The following SLC16A14 variants were observed in gnomAD, a reference collection of about 807,000 sequenced individuals.
SLC16A14 encodes the protein monocarboxylate transporter 14.
In SLC16A14, 14 loss-of-function variants were observed where a neutral mutation model predicts 35.8. The observed-to-expected ratio is 0.39, with a 90% CI of 0.26 to 0.61. The LOEUF (loss-of-function observed/expected upper bound fraction) is 0.61. Ranked by LOEUF, SLC16A14 falls within the 20% of genes least tolerant of loss-of-function variation. The pLI, the probability that SLC16A14 is intolerant of heterozygous loss-of-function variation, is 0.51. For missense variants in SLC16A14, 533 were observed against 655.0 expected (o/e 0.81, Z 2.03); for synonymous variants, 248 against 258.9 (o/e 0.96, Z 0.40).
At chr2:230,062,383 C>G (rs936721607) in intron 1 of SLC16A14, among the ~76,000 whole-genome samples, 1 of 136,602 alleles carries the variant, frequency 7.3e-6, no homozygotes, top group African/African-American at 2.8e-5. Flanking sequence ...GGGTCTTGCT[C>G]TGTCACCCAG....
chr2:230,048,202 C>G (rs998759474), intron 3 of SLC16A14, among the ~76,000 whole-genome samples: 10 of 152,316 alleles, frequency 6.6e-5, no homozygotes, highest in Middle Eastern at 3.4e-3. Context: ...AAACTAAGCT[C>G]TCTTCATTAT....
intron 2 of SLC16A14, among the ~76,000 whole-genome samples, chr2:230,052,679 T>C (rs1279555936): frequency 6.6e-6 from 1 of 152,126 alleles, no homozygotes; most frequent in African/African-American, 2.4e-5. Flanking sequence ...TGGAGGAATT[T>C]TATAAATTTA....
At chr2:230,056,400 G>A (rs570743730) in intron 2 of SLC16A14, among the ~76,000 whole-genome samples, 15 of 151,976 alleles carry the variant, frequency 9.9e-5, no homozygotes, top group South Asian at 2.1e-4. Context: ...GACTACAGGC[G>A]TTTGCCACCA....
At chr2:230,049,223 C>T (rs2077636306) in intron 3 of SLC16A14, among the ~76,000 whole-genome samples, 1 of 135,054 alleles carries the variant, frequency 7.4e-6, no homozygotes, top group African/African-American at 2.7e-5. Flanking sequence ...GCAGGTGCCA[C>T]CGCACTTGGC....
In SLC16A14 at chr2:230,046,848, G is replaced by T; in HGVS notation, c.404-126C>A. 9.0e-7 allele frequency: 1 copy of T among 1,112,028 alleles called. No individual in the cohort carries two copies. Among genetic ancestry groups the T allele is most frequent in the Non-Finnish European group, 1.2e-6 (1 of 814,308 alleles). The allele number at this position is 1,112,028 out of a possible 1,614,324, so 68.9% of individuals were successfully genotyped here. A position where few individuals can be genotyped will look rare whatever the true frequency, so the allele number is the denominator to read the frequency against. ...ATTTATGCTTTTTATTTCTAACAAA[G>T]CAATAACACTGATTATTTAAAAAGC... On this transcript the variant is annotated intron_variant, in intron 3 of 4. Transcript: ENST00000295190. The surrounding 1 kb of genome is among the most constrained non-coding windows in gnomAD (Gnocchi z 5.0).
intron 3 of SLC16A14, among the ~76,000 whole-genome samples, chr2:230,049,505 C>T (rs898303247): frequency 2.6e-5 from 4 of 152,176 alleles, no homozygotes; most frequent in Non-Finnish European, 5.9e-5. Flanking sequence ...GCATTTAGAA[C>T]CAGGCATATG....
In SLC16A14 at chr2:230,059,226, CAAAG is replaced by C; in HGVS notation, c.123_126del (p.Phe41LeufsTer30). On this transcript the variant is annotated frameshift_variant, in exon 2 of 5. Transcript: ENST00000295190. LOFTEE classifies it high-confidence loss of function. ...TGGGAGCCCATGATGAGGATGTGCA[CAAAG>C]AAAGAGGAGAGCACCATCATCCAAG... 6.2e-7 allele frequency: 1 copy of C among 1,614,120 alleles called. No homozygotes were observed. Among genetic ancestry groups the C allele is most frequent in the Non-Finnish European group, 8.5e-7 (1 of 1,180,022 alleles).
intron 2 of SLC16A14, among the ~76,000 whole-genome samples, chr2:230,051,740 C>T (rs1408120637): frequency 1.3e-5 from 2 of 152,026 alleles, no homozygotes; most frequent in African/African-American, 2.4e-5. Flanking sequence ...AATAAAGTTT[C>T]CTTTAAAGTT....
At position 230,045,787 on chromosome 2, in the gene SLC16A14, A is replaced by C. The variant is rs1267315254; in HGVS notation, c.1339T>G (p.Cys447Gly). 3.1e-6 allele frequency: 5 copies of C among 1,614,244 alleles called. No homozygotes were observed. In the East Asian group the frequency reaches 1.1e-4, roughly 36 times the overall value. Residue 447 changes from cysteine (C) to glycine (G), a missense_variant, in exon 4 of 5, where the codon TGT becomes GGT. Coordinates refer to ENST00000295190, the MANE Select transcript of SLC16A14 (RefSeq NM_152527.5). Reference sequence around the variant, plus strand: ...AGCAATGCAGAGATGCCATTAGCACAGATGATGATGCCGTAGGCATTGGCC... The same window carrying C: ...AGCAATGCAGAGATGCCATTAGCACCGATGATGATGCCGTAGGCATTGGCC... ...HLANAYGIII[C>G]ANGISALLGP... is the part of the protein sequence containing the mutation.
intron 2 of SLC16A14, among the ~76,000 whole-genome samples, chr2:230,052,795 A>G (rs1395336695): frequency 1.3e-5 from 2 of 152,280 alleles, no homozygotes; most frequent in East Asian, 3.9e-4. Flanking sequence ...TATGATTTGC[A>G]GATGAGCCAA....
rs752254280 is a variant in SLC16A14 at position 230,036,430 on chromosome 2, A to G, written c.*950T>C. The G allele has an allele frequency of 2.0e-4, 30 of 152,210 alleles. No homozygotes were observed. Among genetic ancestry groups the G allele is most frequent in the Non-Finnish European group, 3.2e-4 (22 of 68,034 alleles). The allele number at this position is 152,210 out of a possible 1,614,324, so 9.4% of individuals were successfully genotyped here. A position where few individuals can be genotyped will look rare whatever the true frequency, so the allele number is the denominator to read the frequency against. ...GGCATTCCATTTATTATCCTCACAA[A>G]TTGATAGTGTTATACTTTGGATTAG... On this transcript the variant is annotated 3_prime_UTR_variant, in exon 5 of 5. Transcript: ENST00000295190.
chr2:230,067,147 C>G (rs980939222), intron 1 of SLC16A14: 4 of 155,376 alleles, frequency 2.6e-5, no homozygotes, highest in African/African-American at 9.6e-5. Context: ...CTGGTGTGTA[C>G]AGGGCATTTG....
chr2:230,063,010 C>T (rs772485865), intron 1 of SLC16A14, among the ~76,000 whole-genome samples: 2 of 152,060 alleles, frequency 1.3e-5, no homozygotes, highest in African/African-American at 4.8e-5. Flanking sequence ...ATTTCCAGGC[C>T]GGCGCAGTGG....
At chr2:230,065,751 T>C (rs2077790178) in intron 1 of SLC16A14, among the ~76,000 whole-genome samples, 1 of 152,106 alleles carries the variant, frequency 6.6e-6, no homozygotes, top group Non-Finnish European at 1.5e-5. Context: ...AGATTGCTTG[T>C]AGCATTCATA....
chr2:230,053,880 G>A (rs2077682130), intron 2 of SLC16A14, among the ~76,000 whole-genome samples: 1 of 152,170 alleles, frequency 6.6e-6, no homozygotes, highest in Non-Finnish European at 1.5e-5. Flanking sequence ...CGCTGGTAGA[G>A]GAGCAATCAC....
intron 1 of SLC16A14, among the ~76,000 whole-genome samples, chr2:230,066,309 A>G (rs2077794803): frequency 6.6e-6 from 1 of 152,120 alleles, no homozygotes; most frequent in African/African-American, 2.4e-5. Flanking sequence ...CTCAAGAAAA[A>G]AAAAAAGTAA....
intron 1 of SLC16A14, among the ~76,000 whole-genome samples, chr2:230,066,465 A>T (rs2077796043): frequency 6.6e-6 from 1 of 152,154 alleles, no homozygotes; most frequent in Admixed American, 6.5e-5. Context: ...TTCATAGACG[A>T]TGAAAAAGAA....
chr2:230,037,324 C>T lies in SLC16A14; in HGVS notation c.*56G>A. The T allele has an allele frequency of 6.8e-7, 1 of 1,474,032 alleles. No individual in the cohort carries two copies. The highest frequency in any genetic ancestry group is 9.0e-7 in the Non-Finnish European group (1 of 1,106,986). The allele number at this position is 1,474,032 out of a possible 1,614,324, so 91.3% of individuals were successfully genotyped here. A position where few individuals can be genotyped will look rare whatever the true frequency, so the allele number is the denominator to read the frequency against. On this transcript the variant is annotated 3_prime_UTR_variant, in exon 5 of 5. Coordinates refer to ENST00000295190, the MANE Select transcript of SLC16A14 (RefSeq NM_152527.5). The stretch of plus-strand genomic sequence containing the variant: ...TCCTGTCATAGGTGCCTCACAGCAA[C>T]CATGCGAGGTAGGCATGAGTATTAC...
chr2:230,062,723 G>C (rs1458680470), intron 1 of SLC16A14, among the ~76,000 whole-genome samples: 2 of 152,122 alleles, frequency 1.3e-5, no homozygotes, highest in African/African-American at 4.8e-5. Flanking sequence ...GGGTTTACTG[G>C]GGGAAAAAAT....
Sources: gnomAD v4.1 joint callset for allele counts (sites outside exome capture counted in the v4.1 genomes callset) on GRCh38, gnomAD v4.1.1 for gene constraint, Gnocchi (gnomAD v3.1) non-coding constraint, MANE v1.5 for transcripts, NCBI Gene and HGNC (gene_info 2026-07-23, HGNC 2026-07-21) for gene names.